WASL: variants seen among roughly 807,000 people sequenced by gnomAD.
WASL encodes actin nucleation-promoting factor WASL.
Under a neutral mutation model 55.5 loss-of-function variants are expected in WASL, and 20 were observed. That is an observed-to-expected ratio of 0.36 (90% confidence interval 0.25 to 0.52). WASL has a LOEUF of 0.52. Ranked by LOEUF, WASL falls within the 20% of genes least tolerant of loss-of-function variation. The probability of loss-of-function intolerance (pLI) is 0.92; values close to 1 mark genes in which losing one functional copy is unlikely to be tolerated. For synonymous variants in WASL, 249 were observed against 217.6 expected, an observed-to-expected ratio of 1.14 and a Z score of -1.27; for missense variants, 504 against 622.5, an observed-to-expected ratio of 0.81 and a Z score of 2.03.
intron 9 of WASL, among the ~76,000 whole-genome samples, chr7:123,691,471 T>C (rs979906636): frequency 6.6e-6 from 1 of 152,312 alleles, no homozygotes; most frequent in Middle Eastern, 3.4e-3. Flanking sequence ...ATTTTTGATA[T>C]GTGAAAGTTA....
chr7:123,701,254 T>A (rs1215760637), intron 5 of WASL, among the ~76,000 whole-genome samples: 2 of 152,210 alleles, frequency 1.3e-5, no homozygotes, highest in East Asian at 1.9e-4. Flanking sequence ...CCTTCTTTTT[T>A]AAAAAACAAA....
At chr7:123,720,621 G>T (rs1456038516) in intron 1 of WASL, among the ~76,000 whole-genome samples, 1 of 151,196 alleles carries the variant, frequency 6.6e-6, no homozygotes, top group African/African-American at 2.4e-5. Context: ...GGATAAATGA[G>T]AAACATCACT....
chr7:123,688,520 C>T (rs754234253), intron 10 of WASL, among the ~76,000 whole-genome samples: 3 of 152,184 alleles, frequency 2.0e-5, no homozygotes, highest in African/African-American at 4.8e-5. Context: ...GCCACCACGC[C>T]GGCTAACTTT....
intron 1 of WASL, among the ~76,000 whole-genome samples, chr7:123,728,704 T>C (rs1340630823): frequency 6.6e-6 from 1 of 152,002 alleles, no homozygotes; most frequent in African/African-American, 2.4e-5. Flanking sequence ...ATGGTAGTGG[T>C]GAGCACCTGT....
At chr7:123,709,541 T>A (rs1322453366) in intron 1 of WASL, among the ~76,000 whole-genome samples, 1 of 152,212 alleles carries the variant, frequency 6.6e-6, no homozygotes, top group Non-Finnish European at 1.5e-5. Context: ...GATAACTTCA[T>A]TTTTTACTTG....
chr7:123,734,066 C>T (rs973652067), intron 1 of WASL, among the ~76,000 whole-genome samples: 4 of 151,886 alleles, frequency 2.6e-5, no homozygotes, highest in African/African-American at 9.7e-5. Context: ...ACCTGGGGGT[C>T]GGTGATGACT....
chr7:123,713,212 T>G (rs1386842016), intron 1 of WASL, among the ~76,000 whole-genome samples: 1 of 152,098 alleles, frequency 6.6e-6, no homozygotes, highest in Non-Finnish European at 1.5e-5. Flanking sequence ...CAATGGTGAG[T>G]GAGATCGCTC....
At chr7:123,722,718 T>C (rs1233414524) in intron 1 of WASL, among the ~76,000 whole-genome samples, 2 of 151,870 alleles carry the variant, frequency 1.3e-5, no homozygotes, top group African/African-American at 4.8e-5. Flanking sequence ...GGTATGAGAA[T>C]TGCTTGAACC....
At position 123,731,523 on chromosome 7, in the gene WASL, T is replaced by A. The variant is rs546201456; in HGVS notation, c.117+17095A>T. Among the ~76,000 whole-genome samples the A allele has an allele frequency of 2.3e-4, 35 of 152,118 alleles. No homozygotes were observed. The South Asian group carries it at 7.1e-3, about 31-fold the overall frequency. On this transcript the variant is annotated intron_variant, in intron 1 of 10. Transcript: ENST00000223023. ...AATACACATTCTTCTCAAACACATA[T>A]GGAACGATCACCAAGAGAGACCACA...
intron 9 of WASL, among the ~76,000 whole-genome samples, chr7:123,689,973 A>G (rs1476088380): frequency 6.6e-6 from 1 of 152,182 alleles, no homozygotes; most frequent in East Asian, 1.9e-4. Flanking sequence ...TTTCTGGAGT[A>G]AACACCTTTT....
intron 1 of WASL, among the ~76,000 whole-genome samples, chr7:123,722,897 G>A (rs996753311): frequency 6.6e-5 from 10 of 152,142 alleles, no homozygotes; most frequent in African/African-American, 2.4e-4. Flanking sequence ...TAAGAAGGGA[G>A]CCCTGAATGC....
chr7:123,748,147 C>T (rs1307132468), intron 1 of WASL, among the ~76,000 whole-genome samples: 1 of 152,030 alleles, frequency 6.6e-6, no homozygotes, highest in Admixed American at 6.5e-5. Flanking sequence ...TCCTGGAATC[C>T]TAATGGGAGA....
At chr7:123,748,123 T>C (rs562854295) in intron 1 of WASL, among the ~76,000 whole-genome samples, 21 of 152,192 alleles carry the variant, frequency 1.4e-4, no homozygotes, top group Admixed American at 2.0e-4. Context: ...GCTCTTGCAC[T>C]CGACTTCATT....
chr7:123,718,523 G>GGA (rs1288593824), intron 1 of WASL, among the ~76,000 whole-genome samples: 2 of 152,120 alleles, frequency 1.3e-5, no homozygotes, highest in Non-Finnish European at 2.9e-5. Flanking sequence ...TCTGGAAGGA[G>GGA]GAGAGTCTTC....
At chr7:123,748,151 T>C (rs1001535784) in intron 1 of WASL, among the ~76,000 whole-genome samples, 7 of 152,016 alleles carry the variant, frequency 4.6e-5, no homozygotes, top group African/African-American at 1.7e-4. Context: ...GGAATCCTAA[T>C]GGGAGATTAA....
intron 1 of WASL, among the ~76,000 whole-genome samples, chr7:123,727,352 G>GACACACAC (rs1554406235): frequency 1.4e-4 from 8 of 55,482 alleles, no homozygotes; most frequent in Non-Finnish European, 1.9e-4. Context: ...AAAAATATGT[G>GACACACAC]TCACACACAC....
At chr7:123,686,081 T>C (rs368005424) in intron 10 of WASL, among the ~76,000 whole-genome samples, 5 of 151,332 alleles carry the variant, frequency 3.3e-5, no homozygotes, top group Admixed American at 6.6e-5. Flanking sequence ...AAGGTAGTAT[T>C]TGAAGAAGTA....
At chr7:123,721,888 G>A (rs1302151094) in intron 1 of WASL, among the ~76,000 whole-genome samples, 2 of 125,680 alleles carry the variant, frequency 1.6e-5, no homozygotes, top group African/African-American at 5.8e-5. Context: ...TTTAATAAAT[G>A]TTCTCTATTT....
chr7:123,708,227 A>G (rs901973136), intron 2 of WASL, among the ~76,000 whole-genome samples: 3 of 152,152 alleles, frequency 2.0e-5, no homozygotes, highest in African/African-American at 4.8e-5. Context: ...ACCAAATACC[A>G]TAACTGAGAT....
Sources: gnomAD v4.1 joint callset for allele counts (sites outside exome capture counted in the v4.1 genomes callset) on GRCh38, gnomAD v4.1.1 for gene constraint, MANE v1.5 for transcripts, NCBI Gene and HGNC (gene_info 2026-07-23, HGNC 2026-07-21) for gene names.